The following NXN variants were observed in gnomAD, a reference collection of about 807,000 sequenced individuals.
NXN encodes nucleoredoxin 1.
A neutral mutation model predicts 48.6 loss-of-function variants in NXN; 16 were observed. The observed-to-expected ratio is 0.33, with a 90% CI of 0.22 to 0.50. NXN has a LOEUF of 0.50. NXN is among the 20% of genes least tolerant of loss of function. The probability of loss-of-function intolerance (pLI) is 0.98; values close to 1 mark genes in which losing one functional copy is unlikely to be tolerated. For missense variants in NXN, 492 were observed against 605.5 expected (o/e 0.81, Z 1.97); for synonymous variants, 281 against 269.6 (o/e 1.04, Z -0.41).
chr17:882,371 C>T (rs1301409406), intron 1 of NXN, among the ~76,000 whole-genome samples: 1 of 152,200 alleles, frequency 6.6e-6, no homozygotes, highest in Middle Eastern at 3.2e-3. Context: ...TTCCTCATTT[C>T]TGCTCAGTCA....
intron 1 of NXN, among the ~76,000 whole-genome samples, chr17:943,018 C>A (rs12937651): frequency 0.033 from 801 of 24,242 alleles, 130 homozygotes; most frequent in Non-Finnish European, 0.039. Context: ...TTACAGTGAA[C>A]AAGATTCCAG....
chr17:871,051 C>A (rs1014437543), intron 1 of NXN, among the ~76,000 whole-genome samples: 1 of 151,964 alleles, frequency 6.6e-6, no homozygotes, highest in African/African-American at 2.4e-5. Flanking sequence ...TTAGTAGAGA[C>A]GGGGTTTCAC....
Position 920,030 on chromosome 17 carries a change from C to T in NXN, c.360+59289G>A, listed in dbSNP as rs532183757. On this transcript the variant is annotated intron_variant, in intron 1 of 7. Transcript: ENST00000336868. The surrounding 1 kb of genome is among the most constrained non-coding windows in gnomAD (Gnocchi z 4.6). ...ACGGCCTCCTCCATGTGAGGACCTC[C>T]GCCTCCAACTCTCTTCGAGCCACCA... is the stretch of plus-strand genomic sequence containing the variant. Among the ~76,000 whole-genome samples, 8 of 152,218 alleles carry T rather than the reference C, an allele frequency of 5.3e-5. No homozygotes were observed. The South Asian group carries it at 8.3e-4, about 16-fold the overall frequency.
chr17:826,088 G>A lies in NXN; in HGVS notation c.361-10C>T, dbSNP rs1913084062. 12 of 1,584,256 alleles carry A rather than the reference G, an allele frequency of 7.6e-6. No individual in the cohort carries two copies. The highest frequency in any genetic ancestry group is 1.0e-5 in the Non-Finnish European group (12 of 1,152,878). On this transcript the variant is annotated splice_polypyrimidine_tract_variant and intron_variant, in intron 1 of 7. Transcript: ENST00000336868. ...TGTTCCAAAGTTTGAGCTGTATGAA[G>A]AAAAGCAAAAGAAGGTGGTTAAGTC...
intron 5 of NXN, among the ~76,000 whole-genome samples, chr17:806,574 C>T (rs917459417): frequency 6.6e-6 from 1 of 152,152 alleles, no homozygotes; most frequent in African/African-American, 2.4e-5. Flanking sequence ...CCGCTCCCCC[C>T]ACACCCTGCA....
rs1245504749 is a variant in NXN, at chr17:814,355, G to A, written c.820+5084C>T. On this transcript the variant is annotated intron_variant, in intron 5 of 7. Coordinates refer to ENST00000336868, the MANE Select transcript of NXN (RefSeq NM_022463.5). Reference sequence around the variant, plus strand: ...CTGAGCGTTGGCCACCAGCAATACCGGCAACCCACGGGCCCTCACATCCAG... The same window carrying A: ...CTGAGCGTTGGCCACCAGCAATACCAGCAACCCACGGGCCCTCACATCCAG... Among the ~76,000 whole-genome samples the A allele has an allele frequency of 5.9e-5, 9 of 152,214 alleles. No individual in the cohort carries two copies. The South Asian group carries it at 6.2e-4, about 11-fold the overall frequency.
intron 1 of NXN, among the ~76,000 whole-genome samples, chr17:904,063 C>T (rs941669536): frequency 1.3e-5 from 2 of 152,176 alleles, no homozygotes; most frequent in African/African-American, 4.8e-5. Context: ...TTAACTTTAA[C>T]GTAAATTTTT....
intron 5 of NXN, among the ~76,000 whole-genome samples, chr17:817,596 G>C (rs1428347295): frequency 6.6e-6 from 1 of 151,538 alleles, no homozygotes; most frequent in African/African-American, 2.4e-5. Context: ...GTGAACCCGG[G>C]AGGCGGAGCT....
At chr17:832,317 A>G (rs1032577826) in intron 1 of NXN, among the ~76,000 whole-genome samples, 1 of 150,520 alleles carries the variant, frequency 6.6e-6, no homozygotes, top group Admixed American at 6.6e-5. Flanking sequence ...AGCTGGGACT[A>G]CAGGTGCCCG....
rs535644504 is a variant in NXN at position 825,850 on chromosome 17, G to C, written c.478+111C>G. On this transcript the variant is annotated intron_variant, in intron 2 of 7. Coordinates refer to ENST00000336868, the MANE Select transcript of NXN (RefSeq NM_022463.5). The surrounding 1 kb of genome is among the most constrained non-coding windows in gnomAD (Gnocchi z 4.1). ...CATTCTCTACCACGTAAACCCACGT[G>C]TATCTATTTCACCAGTACTCTCTCC... The C allele has an allele frequency of 2.6e-5, 18 of 692,580 alleles. No homozygotes were observed. In the East Asian group the frequency reaches 4.1e-4, roughly 16 times the overall value. The allele number at this position is 692,580 out of a possible 1,614,324, so 42.9% of individuals were successfully genotyped here. A position where few individuals can be genotyped will look rare whatever the true frequency, so the allele number is the denominator to read the frequency against.
At chr17:913,778 A>C (rs943859299) in intron 1 of NXN, among the ~76,000 whole-genome samples, 2 of 152,046 alleles carry the variant, frequency 1.3e-5, no homozygotes, top group African/African-American at 4.8e-5. Flanking sequence ...AAGCAGAAAA[A>C]AAATGTGTAA....
At chr17:852,218 G>C (rs2067931201) in intron 1 of NXN, among the ~76,000 whole-genome samples, 1 of 152,156 alleles carries the variant, frequency 6.6e-6, no homozygotes. Context: ...TGCCATCCGG[G>C]GGCATCCGGA....
At chr17:891,184 T>C (rs1023350920) in intron 1 of NXN, among the ~76,000 whole-genome samples, 5 of 152,080 alleles carry the variant, frequency 3.3e-5, no homozygotes, top group African/African-American at 9.7e-5. Context: ...GCTCAGGCGA[T>C]CCTCCTCAGC....
chr17:961,299 C>T (rs1332530302), intron 1 of NXN, among the ~76,000 whole-genome samples: 1 of 151,684 alleles, frequency 6.6e-6, no homozygotes, highest in Non-Finnish European at 1.5e-5. Flanking sequence ...GCGGGAGAAT[C>T]GCTTGAACCC....
At chr17:972,579 G>A (rs532583121) in intron 1 of NXN, among the ~76,000 whole-genome samples, 5 of 152,294 alleles carry the variant, frequency 3.3e-5, no homozygotes, top group South Asian at 2.1e-4. Flanking sequence ...AGTTCACAAC[G>A]GGACGAGCTG....
chr17:883,911 T>C (rs1037970411), intron 1 of NXN, among the ~76,000 whole-genome samples: 6 of 152,000 alleles, frequency 3.9e-5, no homozygotes, highest in Non-Finnish European at 8.8e-5. Flanking sequence ...CCATCTCTAC[T>C]AAAAGATAAC....
chr17:894,944 C>A (rs942104398), intron 1 of NXN, among the ~76,000 whole-genome samples: 1 of 150,696 alleles, frequency 6.6e-6, no homozygotes, highest in Admixed American at 6.6e-5. Context: ...CCCTGAAATC[C>A]TGGCTCTCCC....
At chr17:862,806 A>G (rs2068054313) in intron 1 of NXN, among the ~76,000 whole-genome samples, 2 of 152,228 alleles carry the variant, frequency 1.3e-5, no homozygotes, top group African/African-American at 4.8e-5. Flanking sequence ...CCTGCCAGAA[A>G]TGTTTGGCCT....
At chr17:957,246 G>A (rs745322846) in intron 1 of NXN, among the ~76,000 whole-genome samples, 18 of 151,366 alleles carry the variant, frequency 1.2e-4, no homozygotes, top group African/African-American at 3.6e-4. Context: ...ACACTACGCC[G>A]TGTGGAAAAC....
Sources: allele counts gnomAD v4.1 joint callset (sites outside exome capture counted in the v4.1 genomes callset), GRCh38; gene constraint gnomAD v4.1.1; non-coding constraint Gnocchi (gnomAD v3.1); transcripts MANE v1.5; gene names NCBI Gene and HGNC (gene_info 2026-07-23, HGNC 2026-07-21).